The following TREML1 variants were observed in gnomAD, a reference collection of about 807,000 sequenced individuals.
TREML1 encodes triggering receptor expressed on myeloid cells like 1, also known as trem-like transcript 1 protein.
In TREML1, 27 loss-of-function variants were observed where a neutral mutation model predicts 22.8. The observed-to-expected ratio is 1.19, with a 90% CI of 0.87 to 1.64. The LOEUF is 1.64. Among genes scored for constraint, TREML1 ranks in the 40% most tolerant of loss-of-function variants. TREML1 has a pLI of 0.00. For missense variants in TREML1, 356 were observed against 382.0 expected, an observed-to-expected ratio of 0.93 and a Z score of 0.57; for synonymous variants, 153 against 161.9, an observed-to-expected ratio of 0.94 and a Z score of 0.42.
Position 41,154,325 on chromosome 6 carries a change from G to C in TREML1, c.-37C>G. The C allele has an allele frequency of 6.3e-7, 1 of 1,589,860 alleles. No homozygotes were observed. The highest frequency in any genetic ancestry group is 8.6e-7 in the Non-Finnish European group (1 of 1,158,714). On this transcript the variant is annotated 5_prime_UTR_variant, in exon 1 of 6. Coordinates refer to ENST00000426005, the MANE Select transcript of TREML1 (RefSeq NM_178174.4). Reference sequence around the variant, plus strand: ...GAAATGTCAACTCCTGGGCTTGCCTGGGCACTGATGCAGCATTCGCCTGAG... The same window carrying C: ...GAAATGTCAACTCCTGGGCTTGCCTCGGCACTGATGCAGCATTCGCCTGAG...
At chr6:41,150,418 G>C in intron 4 of TREML1, 105 bp from the exon 5 acceptor site, 1 of 1,060,654 alleles carries the variant, frequency 9.4e-7, no homozygotes, top group Non-Finnish European at 1.4e-6. Flanking sequence ...CACTACTGCA[G>C]ACTCACCTTC....
chr6:41,151,645 C>A, intron 2 of TREML1: 1 of 485,814 alleles, frequency 2.1e-6, no homozygotes, highest in Non-Finnish European at 3.8e-6. Context: ...CCAGCTCCCC[C>A]CATCTTCCTG....
Position 41,154,299 on chromosome 6 carries a change from A to G in TREML1, c.-11T>C. ...CAGGGTGAGGCCCATGGCTGGGCAG[A>G]GAAATGTCAACTCCTGGGCTTGCCT... On this transcript the variant is annotated 5_prime_UTR_variant, in exon 1 of 6. Coordinates refer to ENST00000426005, the MANE Select transcript of TREML1 (RefSeq NM_178174.4). 1.2e-6 allele frequency: 2 copies of G among 1,613,724 alleles called. No homozygotes were observed. Among genetic ancestry groups the G allele is most frequent in the Non-Finnish European group, 1.7e-6 (2 of 1,179,712 alleles).
chr6:41,155,195 A>C (rs1428726856), upstream of TREML1, among the ~76,000 whole-genome samples: 3 of 152,130 alleles, frequency 2.0e-5, no homozygotes, highest in Non-Finnish European at 2.9e-5. Context: ...TCTCTGTTGG[A>C]AGACAATTCT....
At chr6:41,151,565 A>G (rs1036348235) in intron 2 of TREML1, 181 bp from the exon 3 acceptor site, 4 of 595,806 alleles carry the variant, frequency 6.7e-6, no homozygotes, top group Non-Finnish European at 1.2e-5. Context: ...GTCACTCCAC[A>G]GATCAGGAAA....
chr6:41,150,726 AG>A (rs1309523193), intron 4 of TREML1, 92 bp downstream of exon 4: 3 of 1,140,580 alleles, frequency 2.6e-6, no homozygotes, highest in Non-Finnish European at 4.0e-6. Flanking sequence ...ATCCATTTGT[AG>A]GGGGATTGGA....
chr6:41,152,927 G>T (rs1263266155), intron 2 of TREML1, among the ~76,000 whole-genome samples: 1 of 151,810 alleles, frequency 6.6e-6, no homozygotes, highest in Non-Finnish European at 1.5e-5. Flanking sequence ...ATTATTTGGG[G>T]GTTGGGCATA....
At chr6:41,155,398 T>TCTCTCTCTCTCTCTCTCTCTCTCTCTGC (rs1414839435), upstream of TREML1, among the ~76,000 whole-genome samples, 2 of 151,828 alleles carry the variant, frequency 1.3e-5, no homozygotes, top group African/African-American at 4.8e-5. Context: ...TCTCTCTCTC[T>TCTCTCTCTCTCTCTCTCTCTCTCTCTGC]CTCTCTCTTC....
Position 41,149,348 on chromosome 6 carries a change from C to A in TREML1, c.*256G>T. ...CCCATTCAGCCATTAAGAGTTTGCA[C>A]ATCATTATTAGGGTTTATTTAGCCC... is the stretch of plus-strand genomic sequence containing the variant. On this transcript the variant is annotated 3_prime_UTR_variant, in exon 6 of 6. Transcript: ENST00000426005. 1 of 395,786 alleles carries A rather than the reference C, an allele frequency of 2.5e-6. No individual in the cohort carries two copies. The allele number at this position is 395,786 out of a possible 1,614,324, so 24.5% of individuals were successfully genotyped here.
rs1765183801 is a variant in TREML1, at chr6:41,149,455, C to CA, written c.*148dup. ...AGACATCTCAGTCATGTCTGAGCGT[C>CA]ACTTTCCCTAGTAAAGTTAGGACAT... is the stretch of plus-strand genomic sequence containing the variant. On this transcript the variant is annotated 3_prime_UTR_variant, in exon 6 of 6. Coordinates refer to ENST00000426005, the MANE Select transcript of TREML1 (RefSeq NM_178174.4). The CA allele has an allele frequency of 9.3e-6, 8 of 864,212 alleles. No homozygotes were observed. The East Asian group carries it at 2.0e-4, about 22-fold the overall frequency. 53.5% of individuals were successfully genotyped at this position (864,212 alleles called of 1,614,324 possible). A position where few individuals can be genotyped will look rare whatever the true frequency, so the allele number is the denominator to read the frequency against.
At chr6:41,153,028 A>G (rs779722884) in intron 2 of TREML1, among the ~76,000 whole-genome samples, 2 of 151,586 alleles carry the variant, frequency 1.3e-5, no homozygotes, top group Non-Finnish European at 2.9e-5. Flanking sequence ...GTAGCTGACC[A>G]TTTTTTATTT....
At chr6:41,152,718 C>G (rs1168303410) in intron 2 of TREML1, among the ~76,000 whole-genome samples, 3 of 151,920 alleles carry the variant, frequency 2.0e-5, no homozygotes. Context: ...ACTAAAAATA[C>G]AAAAATTAGC....
At position 41,149,455 on chromosome 6, in the gene TREML1, C is replaced by T; in HGVS notation, c.*149G>A. On this transcript the variant is annotated 3_prime_UTR_variant, in exon 6 of 6. Coordinates refer to ENST00000426005, the MANE Select transcript of TREML1 (RefSeq NM_178174.4). ...AGACATCTCAGTCATGTCTGAGCGT[C>T]ACTTTCCCTAGTAAAGTTAGGACAT... The T allele has an allele frequency of 1.2e-6, 1 of 864,212 alleles. No homozygotes were observed. Among genetic ancestry groups the T allele is most frequent in the South Asian group, 1.8e-5 (1 of 54,690 alleles). 53.5% of individuals were successfully genotyped at this position (864,212 alleles called of 1,614,324 possible). A position where few individuals can be genotyped will look rare whatever the true frequency, so the allele number is the denominator to read the frequency against.
Position 41,149,890 on chromosome 6 carries a change from C to G in TREML1, c.650G>C (p.Ser217Thr). The change falls in exon 6 of 6, where the codon AGT becomes ACT. Residue 217 changes from serine to threonine, a missense_variant. Physicochemically the swap from Ser to Thr is moderately conservative, Grantham distance 58. Coordinates refer to ENST00000426005, the MANE Select transcript of TREML1 (RefSeq NM_178174.4). ...CAATTCAGCAGCCGGTCCAGAGTCA[C>G]TGACGTGGTGGACCACTGAGGAGGG... ...MNPSSVVHHV[S>T]DSGPAAELPL... 6.2e-7 allele frequency: 1 copy of G among 1,613,910 alleles called. No homozygotes were observed. Among genetic ancestry groups the G allele is most frequent in the Non-Finnish European group, 8.5e-7 (1 of 1,179,922 alleles).
intron 3 of TREML1, 140 bp downstream of exon 3, chr6:41,151,142 G>C: frequency 1.3e-6 from 1 of 763,636 alleles, no homozygotes; most frequent in Non-Finnish European, 2.2e-6. Context: ...GTATGTATCT[G>C]TCTGTCTGTC....
intron 2 of TREML1, among the ~76,000 whole-genome samples, chr6:41,153,012 C>T (rs1765308182): frequency 6.6e-6 from 1 of 151,418 alleles, no homozygotes; most frequent in South Asian, 2.1e-4. Flanking sequence ...GCTGTCTGTG[C>T]TTCAGGTAGC....
At chr6:41,153,089 T>C (rs1050196370) in intron 2 of TREML1, among the ~76,000 whole-genome samples, 1 of 151,788 alleles carries the variant, frequency 6.6e-6, no homozygotes, top group African/African-American at 2.4e-5. Context: ...TTTAATATTT[T>C]AAAATTTTCT....
At chr6:41,154,824 C>G (rs1201089316), upstream of TREML1, among the ~76,000 whole-genome samples, 6 of 152,156 alleles carry the variant, frequency 3.9e-5, no homozygotes, top group Non-Finnish European at 2.9e-5. Flanking sequence ...ATTTATTGTC[C>G]TGGACACTAT....
intron 2 of TREML1, among the ~76,000 whole-genome samples, chr6:41,153,451 A>G (rs1359086626): frequency 3.9e-5 from 6 of 152,020 alleles, no homozygotes; most frequent in Non-Finnish European, 8.8e-5. Context: ...TCTAATTAAA[A>G]AATAAGTTAG....
Sources: gnomAD v4.1 joint callset for allele counts (sites outside exome capture counted in the v4.1 genomes callset) on GRCh38, gnomAD v4.1.1 for gene constraint, MANE v1.5 for transcripts, NCBI Gene and HGNC (gene_info 2026-07-23, HGNC 2026-07-21) for gene names.